Variants in BMPR1A observed in about 807,000 individuals in gnomAD.
BMPR1A encodes the protein bone morphogenetic protein receptor type 1A, also known as bone morphogenetic protein receptor type-1A.
A neutral mutation model predicts 66.0 loss-of-function variants in BMPR1A; 7 were observed. That is an observed-to-expected ratio of 0.11 (90% confidence interval 0.06 to 0.20). The LOEUF (loss-of-function observed/expected upper bound fraction) is 0.20, where lower values mean the gene tolerates loss of function less well. BMPR1A is among the 10% of genes least tolerant of loss of function. BMPR1A has a pLI of 1.00. For synonymous variants in BMPR1A, 200 were observed against 229.7 expected (o/e 0.87, Z 1.17); for missense variants, 408 against 669.1 (o/e 0.61, Z 4.31).
intron 1 of BMPR1A, among the ~76,000 whole-genome samples, chr10:86,785,763 A>G (rs925323876): frequency 1.3e-5 from 2 of 152,066 alleles, no homozygotes; most frequent in Non-Finnish European, 2.9e-5. Flanking sequence ...TTTTCTTTCA[A>G]TTCTGTCAGT....
intron 3 of BMPR1A, among the ~76,000 whole-genome samples, chr10:86,878,974 A>T (rs988805117): frequency 1.8e-4 from 20 of 114,018 alleles, no homozygotes; most frequent in Admixed American, 4.3e-4. Flanking sequence ...ACAAATAATT[A>T]AAAAAAAATT....
intron 8 of BMPR1A, among the ~76,000 whole-genome samples, chr10:86,916,732 T>TA (rs1843575800): frequency 1.3e-5 from 2 of 152,150 alleles, no homozygotes; most frequent in Non-Finnish European, 2.9e-5. Flanking sequence ...CTCACGCCTG[T>TA]AATCCCAGCA....
At chr10:86,861,263 A>G (rs1054861345) in intron 2 of BMPR1A, among the ~76,000 whole-genome samples, 1 of 152,220 alleles carries the variant, frequency 6.6e-6, no homozygotes, top group African/African-American at 2.4e-5. Context: ...TAGGTTCCCA[A>G]GTTCTTGAGC....
intron 1 of BMPR1A, among the ~76,000 whole-genome samples, chr10:86,787,746 T>TA (rs1300687079): frequency 1.3e-5 from 2 of 152,032 alleles, no homozygotes; most frequent in African/African-American, 4.8e-5. Flanking sequence ...TCAGGAAACT[T>TA]ACAATCATGG....
intron 2 of BMPR1A, among the ~76,000 whole-genome samples, chr10:86,859,417 C>G (rs1279429979): frequency 6.6e-6 from 1 of 151,966 alleles, no homozygotes; most frequent in Non-Finnish European, 1.5e-5. Context: ...GATCCTCCTG[C>G]CTTGGCCTCT....
chr10:86,761,932 G>C (rs1057093396), intron 1 of BMPR1A, among the ~76,000 whole-genome samples: 7 of 152,318 alleles, frequency 4.6e-5, no homozygotes, highest in African/African-American at 1.7e-4. Flanking sequence ...ATTTCCACTT[G>C]GCAGTTGTCT....
At chr10:86,822,577 T>C (rs559874893) in intron 1 of BMPR1A, among the ~76,000 whole-genome samples, 4 of 152,312 alleles carry the variant, frequency 2.6e-5, no homozygotes, top group African/African-American at 9.6e-5. Flanking sequence ...TGTGTGACTT[T>C]GAGAAGGTTA....
At chr10:86,801,815 C>T (rs12243238) in intron 1 of BMPR1A, among the ~76,000 whole-genome samples, 3,436 of 152,136 alleles carry the variant, frequency 0.023, 138 homozygotes, top group African/African-American at 0.079. Flanking sequence ...CGGGTTCACG[C>T]CATTCTCCTG....
intron 1 of BMPR1A, among the ~76,000 whole-genome samples, chr10:86,822,196 A>G (rs1490451436): frequency 6.6e-6 from 1 of 152,072 alleles, no homozygotes; most frequent in Admixed American, 6.5e-5. Context: ...TCATGTATTT[A>G]TATACAGGTT....
At chr10:86,914,808 G>A (rs1843540588) in intron 8 of BMPR1A, among the ~76,000 whole-genome samples, 1 of 152,180 alleles carries the variant, frequency 6.6e-6, no homozygotes, top group Non-Finnish European at 1.5e-5. Flanking sequence ...CAATTGCCTG[G>A]AAAGTTAAGG....
chr10:86,884,345 G>A (rs558463580), intron 3 of BMPR1A, among the ~76,000 whole-genome samples: 9 of 143,372 alleles, frequency 6.3e-5, no homozygotes, highest in East Asian at 4.3e-4. Context: ...CTGGACCTCC[G>A]TAAGTGCTAG....
In BMPR1A at chr10:86,912,267, A is replaced by G. The variant is rs752388441; in HGVS notation, c.558A>G (p.Arg186=). The change falls in exon 8 of 13, where the codon AGA becomes AGG. Residue 186 remains arginine (R), a synonymous_variant. Coordinates refer to ENST00000372037, the MANE Select transcript of BMPR1A (RefSeq NM_004329.3). The stretch of plus-strand genomic sequence containing the variant: ...ATTATTGCAAGAGCATCTCAAGCAG[A>G]CGTCGTTACAATCGTGATTTGGAAC... The part of the protein sequence containing the change: ...YKHYCKSISS[R]RRYNRDLEQD... 1.8e-5 allele frequency: 29 copies of G among 1,613,840 alleles called. No homozygotes were observed. Among genetic ancestry groups the G allele is most frequent in the Non-Finnish European group, 2.5e-5 (29 of 1,179,902 alleles).
At chr10:86,827,996 A>T (rs1842218458) in intron 1 of BMPR1A, among the ~76,000 whole-genome samples, 1 of 152,120 alleles carries the variant, frequency 6.6e-6, no homozygotes, top group Non-Finnish European at 1.5e-5. Context: ...TACTAAAAAT[A>T]AAAAAATTAG....
intron 1 of BMPR1A, among the ~76,000 whole-genome samples, chr10:86,777,790 G>A (rs1841376179): frequency 6.6e-6 from 1 of 151,964 alleles, no homozygotes; most frequent in Non-Finnish European, 1.5e-5. Flanking sequence ...GAGGCAGGTG[G>A]ATCACCTGAG....
intron 1 of BMPR1A, among the ~76,000 whole-genome samples, chr10:86,819,259 T>C (rs1279212526): frequency 6.6e-6 from 1 of 152,178 alleles, no homozygotes; most frequent in Non-Finnish European, 1.5e-5. Context: ...TTGTAACAAT[T>C]GGCTTGTCTT....
chr10:86,903,601 T>TTTTATTTATTTATTTA (rs528073264), intron 7 of BMPR1A, among the ~76,000 whole-genome samples: 4 of 151,268 alleles, frequency 2.6e-5, no homozygotes, highest in African/African-American at 9.8e-5. Context: ...TTATTATTAT[T>TTTTATTTATTTATTTA]TTTATTTATT....
chr10:86,803,907 ATAAAT>A (rs1230206184), intron 1 of BMPR1A, among the ~76,000 whole-genome samples: 1 of 152,190 alleles, frequency 6.6e-6, no homozygotes, highest in African/African-American at 2.4e-5. Context: ...TTACTAATTA[ATAAAT>A]TCGCGTTTCA....
chr10:86,757,161 C>G (rs1267396614), intron 1 of BMPR1A, among the ~76,000 whole-genome samples: 1 of 152,092 alleles, frequency 6.6e-6, no homozygotes, highest in Non-Finnish European at 1.5e-5. Flanking sequence ...TCGCGGGTTG[C>G]AGGCCGAGTT....
At chr10:86,931,227 C>T (rs1843804176), downstream of BMPR1A, 1 of 116,812 alleles carries the variant, frequency 8.6e-6, no homozygotes, top group East Asian at 2.9e-4. Flanking sequence ...GGCAACAGAG[C>T]AAGACTCCGT....
Sources: gnomAD v4.1 joint callset for allele counts (sites outside exome capture counted in the v4.1 genomes callset) on GRCh38, gnomAD v4.1.1 for gene constraint, MANE v1.5 for transcripts, NCBI Gene and HGNC (gene_info 2026-07-23, HGNC 2026-07-21) for gene names.